PCLO: variants seen among roughly 807,000 people sequenced by gnomAD.
PCLO encodes protein piccolo.
In PCLO, 82 loss-of-function variants were observed where a neutral mutation model predicts 427.5. The observed-to-expected ratio is 0.19, with a 90% CI of 0.16 to 0.23. PCLO has a LOEUF of 0.23. Among genes scored for constraint, PCLO ranks in the 10% least tolerant of loss-of-function variants. PCLO has a pLI of 1.00. For missense variants in PCLO, 6,239 were observed against 6,115.9 expected, an observed-to-expected ratio of 1.02 and a Z score of -0.67; for synonymous variants, 2,357 against 2,155.4, an observed-to-expected ratio of 1.09 and a Z score of -2.59.
At chr7:82,887,249 C>G (rs1169190770) in intron 9 of PCLO, among the ~76,000 whole-genome samples, 2 of 152,158 alleles carry the variant, frequency 1.3e-5, no homozygotes, top group Non-Finnish European at 2.9e-5. Flanking sequence ...GCTGAGAACT[C>G]ATCGTTTTTC....
At chr7:83,002,797 CATTT>C (rs1200719745) in intron 3 of PCLO, among the ~76,000 whole-genome samples, 5 of 151,798 alleles carry the variant, frequency 3.3e-5, no homozygotes, top group East Asian at 1.9e-4. Flanking sequence ...TTCATTCATT[CATTT>C]ACTCGTAAAT....
rs530751169 is a variant in PCLO at position 82,915,200 on chromosome 7, T to G, written c.12786A>C (p.Thr4262=). 6.2e-7 allele frequency: 1 copy of G among 1,611,038 alleles called. No individual in the cohort carries two copies. The highest frequency in any genetic ancestry group is 8.5e-7 in the Non-Finnish European group (1 of 1,178,456). ...TGGTATTTCCTAATGTGCCCAGTCCTGTGCCAAGAGAAGATCCCATAAATT... is the reference window on the plus strand; with the variant it reads ...TGGTATTTCCTAATGTGCCCAGTCCGGTGCCAAGAGAAGATCCCATAAATT... ...QQKFMGSSLG[T]GLGTLGNTIR... Residue 4262 remains threonine (T), a synonymous_variant, in exon 7 of 25, where the codon ACA becomes ACC. Coordinates refer to ENST00000333891, the MANE Select transcript of PCLO (RefSeq NM_033026.6).
At chr7:83,071,316 T>G (rs1312672829) in intron 3 of PCLO, among the ~76,000 whole-genome samples, 2 of 152,248 alleles carry the variant, frequency 1.3e-5, no homozygotes, top group Admixed American at 1.3e-4. Flanking sequence ...TTTTAAAGTA[T>G]TTCTTAAATG....
intron 10 of PCLO, among the ~76,000 whole-genome samples, chr7:82,850,035 G>GTCTTGCACTA (rs1385124460): frequency 4.0e-5 from 6 of 151,862 alleles, no homozygotes; most frequent in Non-Finnish European, 8.8e-5. Context: ...TTGAGACAGG[G>GTCTTGCACTA]TCTTGCACTA....
chr7:83,144,607 T>C (rs1333377320), intron 2 of PCLO, among the ~76,000 whole-genome samples: 1 of 152,142 alleles, frequency 6.6e-6, no homozygotes, highest in African/African-American at 2.4e-5. Flanking sequence ...AAAATCTCAT[T>C]TTAAAATTAT....
At chr7:83,145,639 C>T (rs910328164) in intron 2 of PCLO, among the ~76,000 whole-genome samples, 9 of 152,140 alleles carry the variant, frequency 5.9e-5, no homozygotes, top group Non-Finnish European at 1.0e-4. Context: ...AATGATGGTG[C>T]TATCCCTATC....
At chr7:82,787,417 G>A (rs529008842) in intron 22 of PCLO, among the ~76,000 whole-genome samples, 132 of 151,980 alleles carry the variant, frequency 8.7e-4, no homozygotes, top group South Asian at 2.5e-3. Context: ...TTTAAAAGCA[G>A]GTTTTTAAAT....
intron 10 of PCLO, among the ~76,000 whole-genome samples, chr7:82,867,061 A>C (rs1225280517): frequency 6.6e-6 from 1 of 152,204 alleles, no homozygotes; most frequent in Admixed American, 6.5e-5. Flanking sequence ...CTAAAAGAAT[A>C]CATATATCAA....
At chr7:82,874,865 T>C (rs1175416490) in intron 10 of PCLO, among the ~76,000 whole-genome samples, 2 of 152,136 alleles carry the variant, frequency 1.3e-5, no homozygotes, top group African/African-American at 4.8e-5. Context: ...AGAGACAACA[T>C]TGTATACCAT....
intron 8 of PCLO, 85 bp downstream of exon 8, chr7:82,908,792 C>A: frequency 8.7e-7 from 1 of 1,155,728 alleles, no homozygotes; most frequent in South Asian, 1.4e-5. Context: ...ACATCTCATT[C>A]CTTTTAGGAC....
At chr7:83,071,870 C>T (rs1789825778) in intron 3 of PCLO, among the ~76,000 whole-genome samples, 1 of 152,100 alleles carries the variant, frequency 6.6e-6, no homozygotes, top group South Asian at 2.1e-4. Flanking sequence ...TCAATAATTA[C>T]ATATATCTGA....
chr7:82,920,516 T>A (rs1584155572), intron 6 of PCLO, among the ~76,000 whole-genome samples: 1 of 151,638 alleles, frequency 6.6e-6, no homozygotes, highest in Non-Finnish European at 1.5e-5. Context: ...AATAATAGAA[T>A]AAAGGTTTAA....
At chr7:83,124,203 G>C (rs1791365040) in intron 3 of PCLO, among the ~76,000 whole-genome samples, 1 of 151,040 alleles carries the variant, frequency 6.6e-6, no homozygotes, top group African/African-American at 2.4e-5. Context: ...TGTAGTCCCA[G>C]CTACTCGGAA....
At chr7:82,930,198 C>T (rs1056889801) in intron 6 of PCLO, among the ~76,000 whole-genome samples, 1 of 152,094 alleles carries the variant, frequency 6.6e-6, no homozygotes, top group African/African-American at 2.4e-5. Flanking sequence ...GAGGGATTTC[C>T]TGGTGGCAGG....
chr7:82,844,118 CA>C (rs1295430153), intron 13 of PCLO, among the ~76,000 whole-genome samples: 1 of 152,010 alleles, frequency 6.6e-6, no homozygotes, highest in Non-Finnish European at 1.5e-5. Flanking sequence ...CAAATATGTT[CA>C]AATTGTATTT....
intron 6 of PCLO, among the ~76,000 whole-genome samples, chr7:82,922,436 GACA>G (rs1443216460): frequency 4.6e-5 from 7 of 151,776 alleles, no homozygotes. Context: ...TGTCCTTTGT[GACA>G]ACATGAATGG....
chr7:82,994,890 T>C (rs1050674695), intron 3 of PCLO, among the ~76,000 whole-genome samples: 1 of 151,848 alleles, frequency 6.6e-6, no homozygotes, highest in African/African-American at 2.4e-5. Context: ...TGAATGTGGA[T>C]AGTGAGAAAA....
intron 8 of PCLO, among the ~76,000 whole-genome samples, chr7:82,904,589 T>C (rs1425073864): frequency 1.3e-5 from 2 of 152,004 alleles, no homozygotes; most frequent in African/African-American, 4.8e-5. Flanking sequence ...CAAAAAGTTA[T>C]TCTTTCCATT....
chr7:83,039,164 G>A (rs1788907448), intron 3 of PCLO, among the ~76,000 whole-genome samples: 1 of 151,876 alleles, frequency 6.6e-6, no homozygotes, highest in African/African-American at 2.4e-5. Context: ...CATTTTGTGG[G>A]TTGTCTGTTT....
Sources: gnomAD v4.1 joint callset for allele counts (sites outside exome capture counted in the v4.1 genomes callset) on GRCh38, gnomAD v4.1.1 for gene constraint, MANE v1.5 for transcripts, NCBI Gene and HGNC (gene_info 2026-07-23, HGNC 2026-07-21) for gene names.